Variants in NNMT observed in about 807,000 individuals in gnomAD.
NNMT encodes the protein nicotinamide N-methyltransferase.
Under a neutral mutation model 11.7 loss-of-function variants are expected in NNMT, and 10 were observed. The ratio of observed to expected loss-of-function variants is 0.85; its 90% confidence interval spans 0.53 to 1.45. The LOEUF (loss-of-function observed/expected upper bound fraction) is 1.45. NNMT is among the 40% of genes most tolerant of loss of function. The probability of loss-of-function intolerance (pLI) is 0.00; values close to 1 mark genes in which losing one functional copy is unlikely to be tolerated. For missense variants in NNMT, 381 were observed against 319.4 expected, an observed-to-expected ratio of 1.19 and a Z score of -1.47; for synonymous variants, 143 against 133.8, an observed-to-expected ratio of 1.07 and a Z score of -0.48.
Position 114,298,132 on chromosome 11 carries a change from C to A in NNMT, c.336C>A (p.Thr112=). 1 of 1,614,116 alleles carries A rather than the reference C, an allele frequency of 6.2e-7. No homozygotes were observed. The highest frequency in any genetic ancestry group is 8.5e-7 in the Non-Finnish European group (1 of 1,180,020). The change falls in exon 2 of 3, where the codon ACC becomes ACA. Residue 112 remains threonine, a synonymous_variant. Coordinates refer to ENST00000299964, the MANE Select transcript of NNMT (RefSeq NM_006169.3). The part of the protein sequence containing the change: ...PEAFDWSPVV[T]YVCDLEGNRV... ...CCTTTGACTGGTCCCCAGTGGTGAC[C>A]TATGTGTGTGATCTTGAAGGGAACA...
At chr11:114,260,520 C>T (rs1287407043) in intron 1 of NNMT, among the ~76,000 whole-genome samples, 2 of 152,210 alleles carry the variant, frequency 1.3e-5, no homozygotes, top group Non-Finnish European at 2.9e-5. Flanking sequence ...CCAGCACTCA[C>T]ACATCCAGGG....
chr11:114,262,782 C>G (rs1287060222), intron 1 of NNMT: 1 of 152,254 alleles, frequency 6.6e-6, no homozygotes, highest in Non-Finnish European at 1.5e-5. Flanking sequence ...CCCTGGCTCC[C>G]TATCACCTGT....
chr11:114,298,479 A>G (rs1191289252), intron 2 of NNMT, among the ~76,000 whole-genome samples: 1 of 152,134 alleles, frequency 6.6e-6, no homozygotes. Flanking sequence ...CTTGGGACCT[A>G]GGTTTAGGAC....
At chr11:114,311,353 C>T (rs1399110875) in intron 2 of NNMT, among the ~76,000 whole-genome samples, 4 of 152,150 alleles carry the variant, frequency 2.6e-5, no homozygotes, top group Non-Finnish European at 4.4e-5. Flanking sequence ...AAACAAAAAA[C>T]CCAAAACATG....
At chr11:114,285,663 T>C (rs747834554) in intron 2 of NNMT, among the ~76,000 whole-genome samples, 5 of 152,248 alleles carry the variant, frequency 3.3e-5, no homozygotes, top group Non-Finnish European at 7.3e-5. Context: ...AGTTGCTTAA[T>C]TTGGCTCTGC....
chr11:114,283,874 CT>C (rs1243458612), intron 2 of NNMT, among the ~76,000 whole-genome samples: 1 of 152,144 alleles, frequency 6.6e-6, no homozygotes, highest in Non-Finnish European at 1.5e-5. Flanking sequence ...AAACGATTTG[CT>C]TTTTACATAG....
At chr11:114,296,777 T>G in intron 1 of NNMT, 67 bp downstream of exon 1, 3 of 1,507,356 alleles carry the variant, frequency 2.0e-6, no homozygotes, top group Non-Finnish European at 2.7e-6. Flanking sequence ...AGGGCACGAC[T>G]GGGTTTTGTG....
intron 1 of NNMT, among the ~76,000 whole-genome samples, chr11:114,259,927 G>A (rs938930246): frequency 1.4e-4 from 21 of 152,272 alleles, no homozygotes; most frequent in African/African-American, 5.1e-4. Flanking sequence ...GAGAGATGCA[G>A]CCTGGCACAA....
intron 2 of NNMT, among the ~76,000 whole-genome samples, chr11:114,265,658 C>T (rs1945114513): frequency 6.6e-6 from 1 of 152,128 alleles, no homozygotes; most frequent in South Asian, 2.1e-4. Flanking sequence ...ATCTGGGAGA[C>T]TGAGTGTGGT....
chr11:114,300,734 T>C (rs1377288598), intron 2 of NNMT, among the ~76,000 whole-genome samples: 1 of 152,234 alleles, frequency 6.6e-6, no homozygotes, highest in Non-Finnish European at 1.5e-5. Flanking sequence ...AGGATTGTTA[T>C]GTCTTCTTGA....
In NNMT at chr11:114,313,435, C is replaced by T. The variant is rs202167720; in HGVS notation, c.*958C>T. On this transcript the variant is annotated 3_prime_UTR_variant, in exon 3 of 3. Coordinates refer to ENST00000299964, the MANE Select transcript of NNMT (RefSeq NM_006169.3). ...GGCGGAGGTTGCAATGAACTGAGAT[C>T]GCACCACTGTGTTCCAGACAGAGTG... 6.6e-6 allele frequency: 1 copy of T among 152,020 alleles called. No individual in the cohort carries two copies. Among genetic ancestry groups the T allele is most frequent in the African/African-American group, 2.4e-5 (1 of 41,444 alleles). 9.4% of individuals were successfully genotyped at this position (152,020 alleles called of 1,614,324 possible).
chr11:114,261,545 T>C lies in NNMT; in HGVS notation c.-216-1303T>C, dbSNP rs111341626. ...GTTGCGGTGAGCCGAGATGGCGCCA[T>C]TGCATTCCAGCCTGGGCGACAAGAG... On this transcript the variant is annotated intron_variant, in intron 1 of 4. Transcript: ENST00000535401. Among the ~76,000 whole-genome samples the C allele has an allele frequency of 8.8e-3, 1,340 of 152,144 alleles. 9 individuals carry two copies. Among genetic ancestry groups the C allele is most frequent in the Non-Finnish European group, 0.014 (923 of 68,004 alleles).
intron 2 of NNMT, among the ~76,000 whole-genome samples, chr11:114,283,123 CA>C (rs771485722): frequency 2.5e-4 from 38 of 152,094 alleles, no homozygotes; most frequent in Non-Finnish European, 4.9e-4. Context: ...GGTTCTTACT[CA>C]AATTAAATAT....
chr11:114,308,017 C>T (rs1486780506), intron 2 of NNMT, among the ~76,000 whole-genome samples: 1 of 152,098 alleles, frequency 6.6e-6, no homozygotes, highest in Non-Finnish European at 1.5e-5. Context: ...CGTCTACAAT[C>T]TCCATGAGGT....
chr11:114,309,536 G>A (rs1945528603), intron 2 of NNMT, among the ~76,000 whole-genome samples: 1 of 152,104 alleles, frequency 6.6e-6, no homozygotes, highest in African/African-American at 2.4e-5. Context: ...TACCAGTTTA[G>A]TGGTTGGTAG....
intron 2 of NNMT, among the ~76,000 whole-genome samples, chr11:114,277,934 C>T (rs1299632817): frequency 1.3e-5 from 2 of 152,342 alleles, no homozygotes; most frequent in Admixed American, 6.5e-5. Flanking sequence ...CTGCCTCATG[C>T]ACCTACTCTG....
At chr11:114,274,361 C>T (rs45504191) in intron 2 of NNMT, among the ~76,000 whole-genome samples, 5,276 of 152,352 alleles carry the variant, frequency 0.035, 119 homozygotes, top group Non-Finnish European at 0.049. Context: ...GCCTGTGAGT[C>T]TTTCTAGGAG....
rs764941070 is a variant in NNMT at position 114,312,150 on chromosome 11, G to A, written c.468G>A (p.Pro156=). The change falls in exon 3 of 3, where the codon CCG becomes CCA. Residue 156 remains proline (P), a synonymous_variant. Transcript: ENST00000299964. The part of the protein sequence containing the change: ...SQPLGAVPLP[P]ADCVLSTLCL... Reference sequence around the variant, plus strand: ...CACTGGGGGCCGTCCCCTTACCCCCGGCTGACTGCGTGCTCAGCACACTGT... The same window carrying A: ...CACTGGGGGCCGTCCCCTTACCCCCAGCTGACTGCGTGCTCAGCACACTGT... 19 of 1,614,038 alleles carry A rather than the reference G, an allele frequency of 1.2e-5. No individual in the cohort carries two copies. The highest frequency in any genetic ancestry group is 8.8e-5 in the South Asian group (8 of 91,074).
upstream of NNMT, among the ~76,000 whole-genome samples, chr11:114,292,027 C>T (rs1277389189): frequency 6.6e-6 from 1 of 152,152 alleles, no homozygotes; most frequent in Non-Finnish European, 1.5e-5. Flanking sequence ...TCCAGTCTGA[C>T]ATAGAGCAGA....
Sources: gnomAD v4.1 joint callset for allele counts (sites outside exome capture counted in the v4.1 genomes callset) on GRCh38, gnomAD v4.1.1 for gene constraint, MANE v1.5 for transcripts, NCBI Gene and HGNC (gene_info 2026-07-23, HGNC 2026-07-21) for gene names.